The following ST18 variants were observed in gnomAD, a reference collection of about 807,000 sequenced individuals.
The protein encoded by ST18 is suppression of tumorigenicity 18 protein.
Under a neutral mutation model 110.0 loss-of-function variants are expected in ST18, and 50 were observed. The ratio of observed to expected loss-of-function variants is 0.45; its 90% CI spans 0.36 to 0.58. The LOEUF is 0.58. Ranked by LOEUF, ST18 falls within the 20% of genes least tolerant of loss-of-function variation. The pLI, the probability that ST18 is intolerant of heterozygous loss-of-function variation, is 0.00. For missense variants in ST18, 1,306 were observed against 1,280.1 expected, an observed-to-expected ratio of 1.02 and a Z score of -0.31; for synonymous variants, 461 against 452.4, an observed-to-expected ratio of 1.02 and a Z score of -0.24.
At chr8:52,269,724 T>C (rs1440028408) in intron 2 of ST18, among the ~76,000 whole-genome samples, 1 of 152,208 alleles carries the variant, frequency 6.6e-6, no homozygotes, top group Non-Finnish European at 1.5e-5. Context: ...AAATGGGAGA[T>C]GGTCCTTAGA....
rs751782942 is a variant in ST18 at position 52,165,239 on chromosome 8, A to C, written c.1205-14T>G. The C allele has an allele frequency of 1.2e-6, 2 of 1,613,674 alleles. No individual in the cohort carries two copies. The highest frequency in any genetic ancestry group is 2.7e-5 in the African/African-American group (2 of 75,052). On this transcript the variant is annotated splice_polypyrimidine_tract_variant and intron_variant, in intron 11 of 25. Coordinates refer to ENST00000689386, the MANE Select transcript of ST18 (RefSeq NM_001352837.2). ...GCATGGCAAGAACTAAGCACAAAAC[A>C]ACACATAAAGGAAAGAATACTTTAC...
intron 2 of ST18, among the ~76,000 whole-genome samples, chr8:52,342,435 G>A (rs1815529253): frequency 6.6e-6 from 1 of 152,192 alleles, no homozygotes; most frequent in African/African-American, 2.4e-5. Context: ...AGCAGTCCAG[G>A]TCTTTTGTTT....
chr8:52,171,924 G>T lies in ST18; in HGVS notation c.937C>A (p.Gln313Lys). The T allele has an allele frequency of 6.2e-7, 1 of 1,614,210 alleles. No homozygotes were observed. Residue 313 changes from glutamine to lysine, a missense_variant, in exon 10 of 26, where the codon CAG (glutamine) becomes AAG (lysine). Gln to Lys is a moderately conservative substitution (Grantham distance 53). Transcript: ENST00000689386. ...TGGAAAACACAACCTCGCTCAGCCT[G>T]CAGAGCAATTGCCTGCTCCAGCAAA... ...LSLLEQAIAL[Q>K]AERGCVFHNT... is the part of the protein sequence containing the mutation.
intron 2 of ST18, among the ~76,000 whole-genome samples, chr8:52,246,382 TAA>T (rs767738256): frequency 6.6e-6 from 1 of 152,130 alleles, no homozygotes; most frequent in African/African-American, 2.4e-5. Flanking sequence ...TCTTAAGAGT[TAA>T]AGACCTATGC....
At chr8:52,271,112 T>A (rs571774734) in intron 2 of ST18, among the ~76,000 whole-genome samples, 34 of 152,228 alleles carry the variant, frequency 2.2e-4, no homozygotes, top group South Asian at 1.7e-3. Context: ...GTTAGCCAGG[T>A]TGGTCTCGAT....
intron 15 of ST18, among the ~76,000 whole-genome samples, chr8:52,155,792 C>A (rs1202305573): frequency 6.6e-6 from 1 of 152,094 alleles, no homozygotes; most frequent in African/African-American, 2.4e-5. Context: ...TCAGATTGCC[C>A]ATTAAGCTTG....
intron 2 of ST18, among the ~76,000 whole-genome samples, chr8:52,270,906 G>GTTT (rs1444782994): frequency 4.7e-5 from 7 of 149,688 alleles, no homozygotes; most frequent in African/African-American, 1.8e-4. Context: ...GTGGTTATAA[G>GTTT]TTTTGTTTTT....
intron 16 of ST18, 65 bp from the exon 17 acceptor site, chr8:52,143,110 G>C: frequency 9.7e-7 from 1 of 1,034,790 alleles, no homozygotes. Context: ...AAGACAACTA[G>C]ATTTAAAATC....
chr8:52,388,271 G>A (rs1837690193), intron 2 of ST18, among the ~76,000 whole-genome samples: 1 of 151,874 alleles, frequency 6.6e-6, no homozygotes, highest in Non-Finnish European at 1.5e-5. Flanking sequence ...AGCGCGCTCC[G>A]AGCACACCTT....
chr8:52,366,195 C>A (rs1827865200), intron 2 of ST18, among the ~76,000 whole-genome samples: 2 of 152,084 alleles, frequency 1.3e-5, no homozygotes, highest in South Asian at 4.2e-4. Context: ...AGGACACTAG[C>A]CCAGAGCCCA....
intron 2 of ST18, among the ~76,000 whole-genome samples, chr8:52,366,130 G>T (rs1402294099): frequency 6.6e-6 from 1 of 152,040 alleles, no homozygotes; most frequent in African/African-American, 2.4e-5. Flanking sequence ...GAGGAGGTAG[G>T]ACTTGAACCC....
At chr8:52,367,236 T>TCACACACACA (rs748933981) in intron 2 of ST18, among the ~76,000 whole-genome samples, 2,964 of 120,254 alleles carry the variant, frequency 0.025, 78 homozygotes, top group African/African-American at 0.062. Flanking sequence ...GGACCCTGTC[T>TCACACACACA]CACACACACA....
chr8:52,141,279 C>T (rs1490066828), intron 17 of ST18, among the ~76,000 whole-genome samples: 1 of 152,146 alleles, frequency 6.6e-6, no homozygotes, highest in Non-Finnish European at 1.5e-5. Context: ...TGTGCAAGGC[C>T]CTGTTCTTGG....
chr8:52,280,571 A>C (rs1448719577), intron 2 of ST18, among the ~76,000 whole-genome samples: 1 of 152,092 alleles, frequency 6.6e-6, no homozygotes, highest in Non-Finnish European at 1.5e-5. Flanking sequence ...AAGTATATTA[A>C]TATCAGGCAA....
intron 8 of ST18, among the ~76,000 whole-genome samples, chr8:52,206,020 C>G (rs2079903204): frequency 6.6e-6 from 1 of 152,138 alleles, no homozygotes; most frequent in Non-Finnish European, 1.5e-5. Context: ...TGGCATGCAG[C>G]AGCCTGCAGT....
At chr8:52,156,362 C>T (rs2060017072) in intron 15 of ST18, among the ~76,000 whole-genome samples, 1 of 152,182 alleles carries the variant, frequency 6.6e-6, no homozygotes, top group Admixed American at 6.5e-5. Context: ...TTTCAAGACG[C>T]TTATTTCTAC....
chr8:52,136,594 G>T lies in ST18; in HGVS notation c.2296C>A (p.Leu766Ile). Residue 766 changes from leucine (L) to isoleucine (I), a missense_variant, in exon 19 of 26, where the codon CTT becomes ATT. Transcript: ENST00000689386. ...GGCCACGCTTCCCGCACTTACTTAA[G>T]CTCCTGAGAGTTGGCAGCCATGAGG... ...KSLMAANSQELKCPTPGCDGS... is the reference protein window; with the variant it reads ...KSLMAANSQEIKCPTPGCDGS... 1 of 1,610,622 alleles carries T rather than the reference G, an allele frequency of 6.2e-7. No homozygotes were observed. The highest frequency in any genetic ancestry group is 1.7e-5 in the Admixed American group (1 of 59,598).
intron 2 of ST18, among the ~76,000 whole-genome samples, chr8:52,285,451 G>T (rs1185461292): frequency 6.6e-6 from 1 of 152,134 alleles, no homozygotes; most frequent in Non-Finnish European, 1.5e-5. Flanking sequence ...TTCCTTATCT[G>T]CTTTGTCATT....
At chr8:52,130,635 T>C (rs1050918070) in intron 22 of ST18, among the ~76,000 whole-genome samples, 2 of 152,242 alleles carry the variant, frequency 1.3e-5, no homozygotes, top group African/African-American at 4.8e-5. Flanking sequence ...TCAAATTGAC[T>C]CTTTAAAGAT....
Sources: allele counts gnomAD v4.1 joint callset (sites outside exome capture counted in the v4.1 genomes callset), GRCh38; gene constraint gnomAD v4.1.1; transcripts MANE v1.5; gene names NCBI Gene and HGNC (gene_info 2026-07-23, HGNC 2026-07-21).